Variants in OLFM3 observed in about 807,000 individuals in gnomAD.
The protein encoded by OLFM3 is noelin-3.
OLFM3 carries 20 observed loss-of-function variants against 48.6 expected under a neutral mutation model. The ratio of observed to expected loss-of-function variants is 0.41; its 90% CI spans 0.29 to 0.60. The LOEUF is 0.60. Among genes scored for constraint, OLFM3 ranks in the 20% least tolerant of loss-of-function variants. The pLI is 0.28. For missense variants in OLFM3, 437 were observed against 544.3 expected (o/e 0.80, Z 1.96); for synonymous variants, 222 against 198.1 (o/e 1.12, Z -1.01).
rs1398389506 is a variant in OLFM3 at position 101,830,705 on chromosome 1, A to G, written c.339T>C (p.Asp113=). Residue 113 remains aspartate, a synonymous_variant, in exon 3 of 6, where the codon GAT becomes GAC. Transcript: ENST00000370103. ...GLKAKFRQIE[D]DRKTLMTKHF... ...GCTTGGTCATAAGTGTCTTTCGATC[A>G]TCTTCAATCTGCCGAAATTTTGCCT... is the stretch of plus-strand genomic sequence containing the variant. 6.2e-7 allele frequency: 1 copy of G among 1,614,148 alleles called. No individual in the cohort carries two copies. The highest frequency in any genetic ancestry group is 1.7e-5 in the Admixed American group (1 of 60,010).
At chr1:101,805,041 TG>T in intron 5 of OLFM3, 126 bp from the exon 6 acceptor site, 1 of 692,044 alleles carries the variant, frequency 1.4e-6, no homozygotes, top group South Asian at 1.9e-5. Context: ...ACTATCTTAC[TG>T]CTGACCTGCC....
At chr1:101,822,367 C>T (rs143010669) in intron 4 of OLFM3, among the ~76,000 whole-genome samples, 2 of 152,242 alleles carry the variant, frequency 1.3e-5, no homozygotes, top group Non-Finnish European at 2.9e-5. Flanking sequence ...TAACTAGAAT[C>T]ATCCTATTGC....
At chr1:101,812,878 G>T (rs1470123400) in intron 4 of OLFM3, 2 of 994,132 alleles carry the variant, frequency 2.0e-6, no homozygotes, top group African/African-American at 1.7e-5. Context: ...ACCTTAGAAA[G>T]CAAACTTTAC....
chr1:101,981,104 A>G (rs1661093940), intron 1 of OLFM3, among the ~76,000 whole-genome samples: 1 of 152,162 alleles, frequency 6.6e-6, no homozygotes, highest in Non-Finnish European at 1.5e-5. Flanking sequence ...TGTCACTGTG[A>G]GCCTGGCAGT....
intron 2 of OLFM3, among the ~76,000 whole-genome samples, chr1:101,835,346 G>T (rs1485001688): frequency 1.3e-5 from 2 of 152,130 alleles, no homozygotes; most frequent in Non-Finnish European, 2.9e-5. Flanking sequence ...CATAATTCTT[G>T]CTCTGTCACC....
intron 1 of OLFM3, among the ~76,000 whole-genome samples, chr1:101,898,903 T>C (rs1174389037): frequency 1.3e-5 from 2 of 152,088 alleles, no homozygotes; most frequent in Non-Finnish European, 2.9e-5. Context: ...GTACAAAATC[T>C]TGAACATGTA....
intron 4 of OLFM3, among the ~76,000 whole-genome samples, chr1:101,816,762 G>A (rs1172621425): frequency 6.6e-6 from 1 of 152,078 alleles, no homozygotes; most frequent in Non-Finnish European, 1.5e-5. Context: ...TATGCTGGTG[G>A]ACAGAAGGTG....
chr1:101,921,296 A>G (rs1427290869), intron 1 of OLFM3, among the ~76,000 whole-genome samples: 11 of 152,042 alleles, frequency 7.2e-5, no homozygotes, highest in Admixed American at 7.2e-4. Context: ...TGATTCAAGC[A>G]AGGTTCTTAC....
intron 1 of OLFM3, among the ~76,000 whole-genome samples, chr1:101,843,386 GCT>G (rs1655825126): frequency 6.6e-6 from 1 of 152,188 alleles, no homozygotes; most frequent in African/African-American, 2.4e-5. Flanking sequence ...TTTCTCAGAA[GCT>G]CAGCCTCTAG....
chr1:101,866,875 T>C (rs139983245), intron 1 of OLFM3, among the ~76,000 whole-genome samples: 144 of 152,320 alleles, frequency 9.5e-4, no homozygotes, highest in Middle Eastern at 3.4e-3. Context: ...TTATTGGTTT[T>C]ACTACATGTT....
At position 101,811,657 on chromosome 1, in the gene OLFM3, G is replaced by A. The variant is rs191941761; in HGVS notation, c.593-5475C>T. Among the ~76,000 whole-genome samples the A allele has an allele frequency of 7.1e-4, 108 of 152,320 alleles. 1 individual carries two copies. The highest frequency in any genetic ancestry group is 1.8e-4 in the Non-Finnish European group (12 of 68,034). ...ATGAGATACTATCTCACAGCAGTTA[G>A]AATGGCAATCATTAAAAAGTCAGGA... On this transcript the variant is annotated intron_variant, in intron 4 of 5. Transcript: ENST00000370103.
At chr1:101,858,627 C>T (rs954477379) in intron 1 of OLFM3, among the ~76,000 whole-genome samples, 3 of 151,874 alleles carry the variant, frequency 2.0e-5, no homozygotes, top group Admixed American at 1.3e-4. Context: ...GAATTTCCCC[C>T]TTGCTGTTCT....
intron 1 of OLFM3, among the ~76,000 whole-genome samples, chr1:101,952,250 T>C (rs1265123139): frequency 2.0e-5 from 3 of 152,170 alleles, no homozygotes; most frequent in African/African-American, 7.2e-5. Flanking sequence ...CTTGTTTACA[T>C]ATAGGTTTTC....
At chr1:101,980,931 C>T (rs1661090473) in intron 1 of OLFM3, among the ~76,000 whole-genome samples, 1 of 152,212 alleles carries the variant, frequency 6.6e-6, no homozygotes, top group African/African-American at 2.4e-5. Context: ...TTAGTCCAGA[C>T]TGCAACAAGT....
chr1:101,821,165 G>T (rs1050473083), intron 4 of OLFM3, among the ~76,000 whole-genome samples: 2 of 152,118 alleles, frequency 1.3e-5, no homozygotes, highest in East Asian at 3.9e-4. Context: ...TTGTTTATGT[G>T]ATAATATTAG....
chr1:101,938,078 T>A (rs1255670461), intron 1 of OLFM3, among the ~76,000 whole-genome samples: 1 of 152,190 alleles, frequency 6.6e-6, no homozygotes, highest in Non-Finnish European at 1.5e-5. Flanking sequence ...ATATAGCAAA[T>A]TTAACGTAGA....
intron 1 of OLFM3, among the ~76,000 whole-genome samples, chr1:101,987,955 C>A (rs1341052439): frequency 6.6e-6 from 1 of 151,984 alleles, no homozygotes; most frequent in Non-Finnish European, 1.5e-5. Flanking sequence ...TCCAATGAAT[C>A]TGACTCCACT....
At chr1:101,907,551 A>C (rs974385980) in intron 1 of OLFM3, among the ~76,000 whole-genome samples, 6 of 152,254 alleles carry the variant, frequency 3.9e-5, no homozygotes, top group African/African-American at 1.4e-4. Flanking sequence ...CCAGGACACC[A>C]GGTAGGGATA....
At chr1:101,991,529 AAG>A (rs1661411899) in intron 1 of OLFM3, among the ~76,000 whole-genome samples, 1 of 152,080 alleles carries the variant, frequency 6.6e-6, no homozygotes, top group South Asian at 2.1e-4. Context: ...GTCTGCCTAG[AAG>A]AGTCAGTAAC....
Sources: gnomAD v4.1 joint callset for allele counts (sites outside exome capture counted in the v4.1 genomes callset) on GRCh38, gnomAD v4.1.1 for gene constraint, MANE v1.5 for transcripts, NCBI Gene and HGNC (gene_info 2026-07-23, HGNC 2026-07-21) for gene names.